The following ACVR1C variants were observed in gnomAD, a reference collection of about 807,000 sequenced individuals.
The protein encoded by ACVR1C is activin receptor type-1C.
In ACVR1C, 23 loss-of-function variants were observed where a neutral mutation model predicts 57.9. The observed-to-expected ratio is 0.40, with a 90% confidence interval of 0.29 to 0.56. The LOEUF (loss-of-function observed/expected upper bound fraction) is 0.56, where lower values mean the gene tolerates loss of function less well. Among genes scored for constraint, ACVR1C ranks in the 20% least tolerant of loss-of-function variants. ACVR1C has a pLI of 0.50. For synonymous variants in ACVR1C, 214 were observed against 215.3 expected (o/e 0.99, Z 0.05); for missense variants, 480 against 607.9 (o/e 0.79, Z 2.21).
chr2:157,548,510 A>G (rs915538415), intron 4 of ACVR1C, among the ~76,000 whole-genome samples: 5 of 151,592 alleles, frequency 3.3e-5, no homozygotes, highest in East Asian at 1.9e-4. Flanking sequence ...GAGGCATCAC[A>G]CTACCTGACT....
In ACVR1C at chr2:157,538,626, C is replaced by T; in HGVS notation, c.1303G>A (p.Val435Ile). 1 of 1,586,548 alleles carries T rather than the reference C, an allele frequency of 6.3e-7. No individual in the cohort carries two copies. The highest frequency in any genetic ancestry group is 8.6e-7 in the Non-Finnish European group (1 of 1,166,746). ...DPSIEEMRKVVCDQKFRPSIP... is the reference protein window; with the variant it reads ...DPSIEEMRKVICDQKFRPSIP... Reference sequence around the variant, plus strand: ...CTTGGTCGAAACTTCTGGTCACAAACAACCTTTCTCATTTCCTCTATCGAG... The same window carrying T: ...CTTGGTCGAAACTTCTGGTCACAAATAACCTTTCTCATTTCCTCTATCGAG... The change falls in exon 8 of 9, where the codon GTT (valine) becomes ATT (isoleucine). Residue 435 changes from valine to isoleucine, a missense_variant. By Grantham distance (29) the Val-to-Ile change is conservative. Coordinates refer to ENST00000243349, the MANE Select transcript of ACVR1C (RefSeq NM_145259.3).
chr2:157,602,319 A>G (rs1435304734), intron 1 of ACVR1C, among the ~76,000 whole-genome samples: 7 of 152,238 alleles, frequency 4.6e-5, no homozygotes, highest in Non-Finnish European at 7.3e-5. Context: ...GAAAAATTTA[A>G]GTCTCACTAA....
intron 2 of ACVR1C, among the ~76,000 whole-genome samples, chr2:157,564,949 AC>A (rs1017666217): frequency 4.6e-5 from 7 of 152,100 alleles, no homozygotes; most frequent in Non-Finnish European, 1.0e-4. Flanking sequence ...ACACACCGGG[AC>A]CTGTCAGGGG....
At chr2:157,545,000 C>G (rs1035781478) in intron 4 of ACVR1C, among the ~76,000 whole-genome samples, 1 of 151,910 alleles carries the variant, frequency 6.6e-6, no homozygotes, top group Non-Finnish European at 1.5e-5. Flanking sequence ...AAAATTATAC[C>G]AATAAAGATC....
At chr2:157,582,277 G>A (rs998477255) in intron 2 of ACVR1C, among the ~76,000 whole-genome samples, 1 of 152,116 alleles carries the variant, frequency 6.6e-6, no homozygotes, top group Non-Finnish European at 1.5e-5. Context: ...GTGAGCCATG[G>A]AGCAAGACAC....
intron 2 of ACVR1C, among the ~76,000 whole-genome samples, chr2:157,573,240 T>G (rs938869676): frequency 6.6e-6 from 1 of 152,230 alleles, no homozygotes; most frequent in African/African-American, 2.4e-5. Flanking sequence ...GCCTAATCAA[T>G]ATGTATTATA....
At chr2:157,560,762 T>C (rs1339684288) in intron 2 of ACVR1C, among the ~76,000 whole-genome samples, 1 of 152,224 alleles carries the variant, frequency 6.6e-6, no homozygotes, top group Non-Finnish European at 1.5e-5. Flanking sequence ...GGGCTATTTC[T>C]CCCCAGTTTG....
chr2:157,612,265 G>A (rs1682551896), intron 1 of ACVR1C, among the ~76,000 whole-genome samples: 1 of 152,140 alleles, frequency 6.6e-6, no homozygotes, highest in Non-Finnish European at 1.5e-5. Flanking sequence ...CTCCTTGCAT[G>A]GGCCCCAAAA....
chr2:157,598,519 G>A (rs1358462734), intron 1 of ACVR1C, among the ~76,000 whole-genome samples: 1 of 150,386 alleles, frequency 6.6e-6, no homozygotes, highest in Non-Finnish European at 1.5e-5. Context: ...ATTTTATAAT[G>A]TTACATTTAT....
chr2:157,597,464 C>G, intron 1 of ACVR1C: 1 of 985,470 alleles, frequency 1.0e-6, no homozygotes, highest in Non-Finnish European at 1.2e-6. Flanking sequence ...CTGCGGTCGC[C>G]GGGATGCCCC....
chr2:157,527,640 T>A lies in ACVR1C; in HGVS notation c.*6278A>T, dbSNP rs1279014024. 1 of 152,158 alleles carries A rather than the reference T, an allele frequency of 6.6e-6. No homozygotes were observed. Among genetic ancestry groups the A allele is most frequent in the Non-Finnish European group, 1.5e-5 (1 of 68,016 alleles). The allele number at this position is 152,158 out of a possible 1,614,324, so 9.4% of individuals were successfully genotyped here. A position where few individuals can be genotyped will look rare whatever the true frequency, so the allele number is the denominator to read the frequency against. On this transcript the variant is annotated 3_prime_UTR_variant, in exon 9 of 9. Transcript: ENST00000243349. ...TCCAGTCTAGAATCAGAAGAGTACA[T>A]GAGCTTGACACTAGTCATTGCGGAA...
intron 8 of ACVR1C, among the ~76,000 whole-genome samples, chr2:157,537,342 A>G (rs1687515182): frequency 6.6e-6 from 1 of 151,956 alleles, no homozygotes; most frequent in Admixed American, 6.6e-5. Flanking sequence ...TTTTCATTCT[A>G]TTATACTTTA....
At chr2:157,615,489 C>T (rs964722650) in intron 1 of ACVR1C, among the ~76,000 whole-genome samples, 1 of 152,044 alleles carries the variant, frequency 6.6e-6, no homozygotes, top group South Asian at 2.1e-4. Flanking sequence ...ATTCTCCCAC[C>T]TCAGCCTCCC....
At chr2:157,621,131 C>T (rs1682762005) in intron 1 of ACVR1C, among the ~76,000 whole-genome samples, 1 of 152,050 alleles carries the variant, frequency 6.6e-6, no homozygotes, top group Admixed American at 6.5e-5. Context: ...TGAGTCATAC[C>T]TAGTGAATCA....
intron 1 of ACVR1C, among the ~76,000 whole-genome samples, chr2:157,621,261 T>C (rs77263459): frequency 0.065 from 9,926 of 152,044 alleles, 498 homozygotes; most frequent in East Asian, 0.24. Flanking sequence ...GGAAAAAAAG[T>C]GAAGAATCAG....
intron 2 of ACVR1C, among the ~76,000 whole-genome samples, chr2:157,575,190 G>A (rs970666097): frequency 4.0e-5 from 6 of 148,656 alleles, no homozygotes; most frequent in South Asian, 2.1e-4. Context: ...TAGCAATGGT[G>A]CGATCTCGCC....
At chr2:157,624,198 T>G (rs1024715966) in intron 1 of ACVR1C, among the ~76,000 whole-genome samples, 1 of 152,186 alleles carries the variant, frequency 6.6e-6, no homozygotes, top group Non-Finnish European at 1.5e-5. Flanking sequence ...ATGATATTTA[T>G]GTATCCAAGC....
intron 1 of ACVR1C, among the ~76,000 whole-genome samples, chr2:157,600,003 C>A (rs1203592760): frequency 1.3e-5 from 2 of 152,162 alleles, no homozygotes; most frequent in Admixed American, 1.3e-4. Flanking sequence ...CTCTAATGTG[C>A]CTTTCAGTTG....
At chr2:157,545,195 C>A (rs964348070) in intron 4 of ACVR1C, among the ~76,000 whole-genome samples, 1 of 152,138 alleles carries the variant, frequency 6.6e-6, no homozygotes, top group Non-Finnish European at 1.5e-5. Context: ...AAAACCTAAT[C>A]CAGCTTATAA....
Sources: gnomAD v4.1 joint callset for allele counts (sites outside exome capture counted in the v4.1 genomes callset) on GRCh38, gnomAD v4.1.1 for gene constraint, MANE v1.5 for transcripts, NCBI Gene and HGNC (gene_info 2026-07-23, HGNC 2026-07-21) for gene names.